The following MCF2L2 variants were observed in gnomAD, a reference collection of about 807,000 sequenced individuals.
MCF2L2 encodes probable guanine nucleotide exchange factor MCF2L2.
A neutral mutation model predicts 150.2 loss-of-function variants in MCF2L2; 102 were observed. That is an observed-to-expected ratio of 0.68 (90% CI 0.58 to 0.80). The LOEUF (loss-of-function observed/expected upper bound fraction) is 0.80, where lower values mean the gene tolerates loss of function less well. Among genes scored for constraint, MCF2L2 ranks in the 30% least tolerant of loss-of-function variants. MCF2L2 has a pLI of 0.00. For missense variants in MCF2L2, 1,256 were observed against 1,372.8 expected (o/e 0.91, Z 1.34); for synonymous variants, 465 against 491.3 (o/e 0.95, Z 0.71).
Position 183,311,003 on chromosome 3 carries a change from TCTG to T in MCF2L2, c.902_904del (p.Thr301_Glu302delinsLys). The T allele has an allele frequency of 6.2e-7, 1 of 1,613,196 alleles. No individual in the cohort carries two copies. The highest frequency in any genetic ancestry group is 8.5e-7 in the Non-Finnish European group (1 of 1,179,126). On this transcript the variant is annotated inframe_deletion, in exon 9 of 30. Transcript: ENST00000328913. ...AGACCAAAAGTGACTAAAGGCTTTT[TCTG>T]TTTCATCCAGTTGAACTAATAACCT...
At chr3:183,274,324 C>T (rs1333801301) in intron 15 of MCF2L2, among the ~76,000 whole-genome samples, 1 of 152,112 alleles carries the variant, frequency 6.6e-6, no homozygotes, top group African/African-American at 2.4e-5. Context: ...CTTTAAGATA[C>T]CATTTGAAAA....
intron 6 of MCF2L2, among the ~76,000 whole-genome samples, chr3:183,321,674 T>A (rs1729819921): frequency 6.6e-6 from 1 of 152,220 alleles, no homozygotes; most frequent in African/African-American, 2.4e-5. Flanking sequence ...GAAACACGAC[T>A]GTATGTGTGT....
At position 183,294,391 on chromosome 3, in the gene MCF2L2, G is replaced by A. The variant is rs1270260562; in HGVS notation, c.1675+909C>T. Among the ~76,000 whole-genome samples the A allele has an allele frequency of 2.0e-5, 3 of 151,734 alleles. No homozygotes were observed. In the East Asian group the frequency reaches 5.8e-4, roughly 29 times the overall value. Reference sequence around the variant, plus strand: ...GTTGAGACAGAGTTTTGCTCTTGTCGCCCAGGCTGGAGGGCAATGGCGCAA... The same window carrying A: ...GTTGAGACAGAGTTTTGCTCTTGTCACCCAGGCTGGAGGGCAATGGCGCAA... On this transcript the variant is annotated intron_variant, in intron 13 of 29. Transcript: ENST00000328913.
At chr3:183,374,062 G>C (rs1713039751) in intron 3 of MCF2L2, 1 of 152,782 alleles carries the variant, frequency 6.5e-6, no homozygotes, top group Non-Finnish European at 1.5e-5. Flanking sequence ...TCTCAGTGTA[G>C]AATCCCCTAA....
rs1162420937 is a variant in MCF2L2 at position 183,428,135 on chromosome 3, C to T, written c.-158G>A. Reference sequence around the variant, plus strand: ...AACGAGAGTCCCTCGCAGCCTAGGCCAGCTCTCCCTCGCCACGCCCCGCGG... The same window carrying T: ...AACGAGAGTCCCTCGCAGCCTAGGCTAGCTCTCCCTCGCCACGCCCCGCGG... On this transcript the variant is annotated 5_prime_UTR_variant, in exon 1 of 30. Transcript: ENST00000328913. This position sits in a 1 kb window ranked among gnomAD's most constrained non-coding sequence, Gnocchi z 5.1. 2 of 616,140 alleles carry T rather than the reference C, an allele frequency of 3.2e-6. No homozygotes were observed. Among genetic ancestry groups the T allele is most frequent in the Non-Finnish European group, 5.7e-6 (2 of 349,050 alleles). The allele number at this position is 616,140 out of a possible 1,614,324, so 38.2% of individuals were successfully genotyped here. A position where few individuals can be genotyped will look rare whatever the true frequency, so the allele number is the denominator to read the frequency against.
chr3:183,421,102 T>G (rs574390443), intron 1 of MCF2L2, among the ~76,000 whole-genome samples: 8 of 152,378 alleles, frequency 5.3e-5, no homozygotes, highest in African/African-American at 1.9e-4. Context: ...CTTTCAAAAT[T>G]TTCTCATCTT....
intron 27 of MCF2L2, among the ~76,000 whole-genome samples, chr3:183,188,696 G>A (rs988356388): frequency 2.6e-5 from 4 of 152,206 alleles, no homozygotes; most frequent in South Asian, 2.1e-4. Context: ...AGCCTGGCGC[G>A]CTGGCTCATG....
chr3:183,290,740 G>A (rs1297904282), intron 13 of MCF2L2, among the ~76,000 whole-genome samples: 1 of 152,078 alleles, frequency 6.6e-6, no homozygotes, highest in East Asian at 1.9e-4. Flanking sequence ...TACCACGTTG[G>A]ACAGGATGGT....
At chr3:183,319,795 C>G (rs572856574) in intron 6 of MCF2L2, among the ~76,000 whole-genome samples, 1 of 152,308 alleles carries the variant, frequency 6.6e-6, no homozygotes, top group Non-Finnish European at 1.5e-5. Flanking sequence ...GTTAACCATG[C>G]TGTAAACAGA....
chr3:183,290,810 G>T (rs1728096684), intron 13 of MCF2L2, among the ~76,000 whole-genome samples: 3 of 152,176 alleles, frequency 2.0e-5, no homozygotes, highest in Admixed American at 2.0e-4. Context: ...GGGATTACAG[G>T]CGTGAGCCAC....
chr3:183,323,118 C>G (rs181443624), intron 6 of MCF2L2, 117 bp downstream of exon 6: 2 of 647,904 alleles, frequency 3.1e-6, no homozygotes, highest in Admixed American at 2.5e-5. Flanking sequence ...AAATCCCAAC[C>G]ACCCCAAGGT....
chr3:183,258,011 A>T (rs1413486686), intron 15 of MCF2L2, among the ~76,000 whole-genome samples: 1 of 110,256 alleles, frequency 9.1e-6, no homozygotes, highest in East Asian at 3.2e-4. Flanking sequence ...TCTGTTGCCC[A>T]GGCTGGAGTG....
chr3:183,326,503 A>AC (rs1364766014), intron 5 of MCF2L2, among the ~76,000 whole-genome samples: 5 of 148,686 alleles, frequency 3.4e-5, no homozygotes, highest in Non-Finnish European at 6.0e-5. Context: ...AAAAAAAAAA[A>AC]AAAAAAAAAA....
intron 3 of MCF2L2, chr3:183,378,477 G>A (rs947115817): frequency 6.6e-6 from 1 of 152,266 alleles, no homozygotes; most frequent in East Asian, 1.9e-4. Flanking sequence ...GCTGGAGAGG[G>A]TGGAAGAAGA....
intron 23 of MCF2L2, 36 bp downstream of exon 23, chr3:183,207,572 T>G (rs753195569): frequency 6.7e-7 from 1 of 1,495,282 alleles, no homozygotes; most frequent in South Asian, 1.1e-5. Context: ...CTTTTCTGCA[T>G]AGGGCGACTC....
At chr3:183,202,180 T>A (rs762569606) in intron 25 of MCF2L2, among the ~76,000 whole-genome samples, 3 of 152,224 alleles carry the variant, frequency 2.0e-5, no homozygotes, top group Non-Finnish European at 4.4e-5. Context: ...TAGGAATACC[T>A]GACCTGCAAG....
At chr3:183,292,492 A>C (rs916016619) in intron 13 of MCF2L2, among the ~76,000 whole-genome samples, 1 of 152,120 alleles carries the variant, frequency 6.6e-6, no homozygotes, top group Non-Finnish European at 1.5e-5. Flanking sequence ...AAATGACACA[A>C]GATAGTAATT....
At chr3:183,247,143 T>A (rs780876313) in intron 15 of MCF2L2, among the ~76,000 whole-genome samples, 5 of 152,198 alleles carry the variant, frequency 3.3e-5, no homozygotes, top group Non-Finnish European at 7.4e-5. Context: ...GAAGAGCAAG[T>A]CAGGGCTCCG....
intron 13 of MCF2L2, among the ~76,000 whole-genome samples, chr3:183,293,515 A>C (rs1054441621): frequency 2.0e-5 from 3 of 152,226 alleles, no homozygotes; most frequent in Non-Finnish European, 4.4e-5. Flanking sequence ...TAAGCATTTG[A>C]AAACTCAATA....
Sources: allele counts gnomAD v4.1 joint callset (sites outside exome capture counted in the v4.1 genomes callset), GRCh38; gene constraint gnomAD v4.1.1; non-coding constraint Gnocchi (gnomAD v3.1); transcripts MANE v1.5; gene names NCBI Gene and HGNC (gene_info 2026-07-23, HGNC 2026-07-21).